STIM2: variants seen among roughly 807,000 people sequenced by gnomAD.
STIM2 encodes stromal interaction molecule 2.
In STIM2, 31 loss-of-function variants were observed where a neutral mutation model predicts 85.8. That is an observed-to-expected ratio of 0.36 (90% CI 0.27 to 0.49). STIM2 has a LOEUF of 0.49. Among genes scored for constraint, STIM2 ranks in the 20% least tolerant of loss-of-function variants. The pLI, the probability that STIM2 is intolerant of heterozygous loss-of-function variation, is 0.98. For synonymous variants in STIM2, 356 were observed against 331.1 expected, an observed-to-expected ratio of 1.08 and a Z score of -0.82; for missense variants, 841 against 927.6, an observed-to-expected ratio of 0.91 and a Z score of 1.21.
intron 3 of STIM2, among the ~76,000 whole-genome samples, chr4:26,980,005 C>T (rs1331944565): frequency 6.6e-6 from 1 of 152,144 alleles, no homozygotes; most frequent in African/African-American, 2.4e-5. Flanking sequence ...CTCAAGCGAT[C>T]CTCCCATCTT....
chr4:26,893,032 G>T (rs1723553350), intron 1 of STIM2, among the ~76,000 whole-genome samples: 1 of 152,164 alleles, frequency 6.6e-6, no homozygotes, highest in Admixed American at 6.5e-5. Context: ...AGGTAAACAG[G>T]TAAGTTGAAT....
intron 3 of STIM2, among the ~76,000 whole-genome samples, chr4:26,968,071 T>C (rs1406681849): frequency 6.6e-6 from 1 of 152,114 alleles, no homozygotes; most frequent in Non-Finnish European, 1.5e-5. Flanking sequence ...CACAGGAGGC[T>C]GAGGCAGGAG....
chr4:26,987,109 G>T (rs1042283482), intron 3 of STIM2, among the ~76,000 whole-genome samples: 1 of 152,130 alleles, frequency 6.6e-6, no homozygotes, highest in Admixed American at 6.6e-5. Flanking sequence ...TGCATGACTC[G>T]TGTCTTTTTT....
intron 2 of STIM2, among the ~76,000 whole-genome samples, chr4:26,930,850 A>G (rs1684666088): frequency 6.6e-6 from 1 of 152,178 alleles, no homozygotes; most frequent in Non-Finnish European, 1.5e-5. Context: ...TTGCTATGTA[A>G]CAAATGACCC....
intron 1 of STIM2, among the ~76,000 whole-genome samples, chr4:26,890,577 C>T (rs1008035682): frequency 1.3e-5 from 2 of 152,142 alleles, no homozygotes; most frequent in African/African-American, 2.4e-5. Flanking sequence ...GTAATCCCAG[C>T]ACTTTGGGAG....
At chr4:26,970,198 TG>T (rs1726884890) in intron 3 of STIM2, among the ~76,000 whole-genome samples, 2 of 22,210 alleles carry the variant, frequency 9.0e-5, no homozygotes, top group African/African-American at 2.3e-4. Flanking sequence ...TTAGTGTGTG[TG>T]TATATATATA....
At chr4:26,975,411 A>G (rs1381783538) in intron 3 of STIM2, among the ~76,000 whole-genome samples, 4 of 152,122 alleles carry the variant, frequency 2.6e-5, no homozygotes, top group South Asian at 2.1e-4. Flanking sequence ...TTCGTGACCT[A>G]CAGATGGGGT....
At chr4:26,968,605 G>A (rs1025022515) in intron 3 of STIM2, among the ~76,000 whole-genome samples, 3 of 152,126 alleles carry the variant, frequency 2.0e-5, no homozygotes, top group African/African-American at 4.8e-5. Flanking sequence ...GGATTGTGAT[G>A]ATGGTTGCAC....
At chr4:26,922,772 AT>A (rs1224476468) in intron 2 of STIM2, among the ~76,000 whole-genome samples, 5 of 152,138 alleles carry the variant, frequency 3.3e-5, no homozygotes. Flanking sequence ...TCCTGAAACT[AT>A]TTAGGGCCCT....
At chr4:26,890,444 T>A (rs992305194) in intron 1 of STIM2, among the ~76,000 whole-genome samples, 2 of 152,276 alleles carry the variant, frequency 1.3e-5, no homozygotes, top group South Asian at 2.1e-4. Flanking sequence ...ACCCAGTTCA[T>A]AATGGGCAGC....
At chr4:27,013,079 T>G (rs1224157228) in intron 10 of STIM2, among the ~76,000 whole-genome samples, 1 of 151,976 alleles carries the variant, frequency 6.6e-6, no homozygotes, top group Non-Finnish European at 1.5e-5. Context: ...GCCAGTAATT[T>G]TTCTTCCTGA....
At chr4:26,991,724 G>A (rs1727774213) in intron 3 of STIM2, among the ~76,000 whole-genome samples, 1 of 151,978 alleles carries the variant, frequency 6.6e-6, no homozygotes, top group South Asian at 2.1e-4. Context: ...GAGAATCTGA[G>A]CTGTAGTTAA....
At chr4:26,893,322 A>G (rs146034672) in intron 1 of STIM2, among the ~76,000 whole-genome samples, 8 of 152,178 alleles carry the variant, frequency 5.3e-5, no homozygotes, top group Admixed American at 1.3e-4. Context: ...TTCTGTCATG[A>G]TACTTTCCTT....
chr4:26,884,661 T>C (rs1441045517), intron 1 of STIM2, among the ~76,000 whole-genome samples: 1 of 152,226 alleles, frequency 6.6e-6, no homozygotes, highest in African/African-American at 2.4e-5. Flanking sequence ...GTCAGTTGGC[T>C]GTAGTAGAAA....
chr4:27,014,976 T>G (rs1228070316), intron 10 of STIM2, among the ~76,000 whole-genome samples: 1 of 152,038 alleles, frequency 6.6e-6, no homozygotes, highest in Non-Finnish European at 1.5e-5. Context: ...GAAATACCTA[T>G]AATAGCTTTC....
intron 10 of STIM2, among the ~76,000 whole-genome samples, chr4:27,012,418 A>C (rs1032615260): frequency 6.7e-6 from 1 of 150,188 alleles, no homozygotes; most frequent in African/African-American, 2.4e-5. Context: ...TTGATAATTT[A>C]TTTTCTCTGT....
intron 1 of STIM2, among the ~76,000 whole-genome samples, chr4:26,866,983 G>A (rs548939473): frequency 6.6e-6 from 1 of 152,208 alleles, no homozygotes; most frequent in South Asian, 2.1e-4. Flanking sequence ...TGAAGATGGG[G>A]GTGACATGTC....
At chr4:26,972,032 C>G (rs529313896) in intron 3 of STIM2, among the ~76,000 whole-genome samples, 28 of 152,232 alleles carry the variant, frequency 1.8e-4, no homozygotes, top group Non-Finnish European at 3.4e-4. Flanking sequence ...CATGATTTGG[C>G]TCTCTGTTTG....
At chr4:26,895,101 A>C (rs185205801) in intron 1 of STIM2, among the ~76,000 whole-genome samples, 1 of 152,258 alleles carries the variant, frequency 6.6e-6, no homozygotes, top group South Asian at 2.1e-4. Flanking sequence ...AATCTCAGCT[A>C]TCCAGGAGGG....
Sources: allele counts gnomAD v4.1 joint callset (sites outside exome capture counted in the v4.1 genomes callset), GRCh38; gene constraint gnomAD v4.1.1; transcripts MANE v1.5; gene names NCBI Gene and HGNC (gene_info 2026-07-23, HGNC 2026-07-21).